The following GCM1 variants were observed in gnomAD, a reference collection of about 807,000 sequenced individuals.
GCM1 encodes the protein chorion-specific transcription factor GCMa.
In GCM1, 2 loss-of-function variants were observed where a neutral mutation model predicts 25.7. The observed-to-expected ratio is 0.08, with a 90% CI of 0.03 to 0.24. The LOEUF (loss-of-function observed/expected upper bound fraction) is 0.24. GCM1 is among the 10% of genes least tolerant of loss of function. The probability of loss-of-function intolerance (pLI) is 1.00; values close to 1 mark genes in which losing one functional copy is unlikely to be tolerated. For missense variants in GCM1, 395 were observed against 538.7 expected (o/e 0.73, Z 2.64); for synonymous variants, 183 against 195.7 (o/e 0.94, Z 0.54).
chr6:53,140,150 G>C (rs1420110086), intron 2 of GCM1, among the ~76,000 whole-genome samples: 1 of 152,212 alleles, frequency 6.6e-6, no homozygotes, highest in Admixed American at 6.5e-5. Flanking sequence ...TCTCAGGGAA[G>C]TTCAAATGAC....
intron 5 of GCM1, among the ~76,000 whole-genome samples, chr6:53,129,899 A>T (rs1215289907): frequency 6.6e-6 from 1 of 152,212 alleles, no homozygotes; most frequent in Non-Finnish European, 1.5e-5. Context: ...AATCGTTAAA[A>T]AAAGGATCTG....
At chr6:53,137,619 C>T (rs1231543835) in intron 2 of GCM1, among the ~76,000 whole-genome samples, 1 of 151,990 alleles carries the variant, frequency 6.6e-6, no homozygotes, top group Non-Finnish European at 1.5e-5. Flanking sequence ...GAGACCACGT[C>T]TCTACTAAAA....
At chr6:53,130,411 T>C (rs1339863895) in intron 5 of GCM1, among the ~76,000 whole-genome samples, 1 of 151,992 alleles carries the variant, frequency 6.6e-6, no homozygotes, top group African/African-American at 2.4e-5. Flanking sequence ...AAGAAAACAA[T>C]CTGTTTGGGG....
Position 53,145,692 on chromosome 6 carries a change from ATTTTG to A in GCM1, c.-65_-61del. ...CGACTCCCCTCAGAAATGCTTGAGA[ATTTTG>A]TTCTCAAAGGTTCTTGATATAGCTG... On this transcript the variant is annotated 5_prime_UTR_variant, in exon 2 of 6. Coordinates refer to ENST00000259803, the MANE Select transcript of GCM1 (RefSeq NM_003643.4). The A allele has an allele frequency of 1.0e-6, 1 of 964,582 alleles. No homozygotes were observed. The highest frequency in any genetic ancestry group is 1.7e-6 in the Non-Finnish European group (1 of 595,826). The allele number at this position is 964,582 out of a possible 1,614,324, so 59.8% of individuals were successfully genotyped here.
rs142603008 is a variant in GCM1, at chr6:53,146,393, T to C, written c.-136-625A>G. 4.9e-4 allele frequency among the ~76,000 whole-genome samples: 75 copies of C among 151,944 alleles called. 2 individuals are homozygous for C. In the East Asian group the frequency reaches 0.014, roughly 28 times the overall value. Reference sequence around the variant, plus strand: ...TGCCACCACGCACAGCTGATTTTTGTATTTTTAGTAGAGATGGGGTTTCAC... The same window carrying C: ...TGCCACCACGCACAGCTGATTTTTGCATTTTTAGTAGAGATGGGGTTTCAC... On this transcript the variant is annotated intron_variant, in intron 1 of 5. Coordinates refer to ENST00000259803, the MANE Select transcript of GCM1 (RefSeq NM_003643.4).
rs1317105387 is a variant in GCM1 at position 53,134,337 on chromosome 6, C to T, written c.76-13G>A. 1.2e-6 allele frequency: 2 copies of T among 1,611,738 alleles called. No homozygotes were observed. The highest frequency in any genetic ancestry group is 2.2e-5 in the South Asian group (2 of 91,052). ...TTTTTTTCACGTTCTGATAGAAACA[C>T]AAAAGATACGACTATACTTTAAGCT... On this transcript the variant is annotated splice_polypyrimidine_tract_variant and intron_variant, in intron 2 of 5. Transcript: ENST00000259803.
intron 5 of GCM1, 35 bp downstream of exon 5, chr6:53,130,768 A>G (rs1763711818): frequency 1.9e-6 from 3 of 1,584,998 alleles, no homozygotes; most frequent in African/African-American, 2.7e-5. Context: ...GTGGCAAGCT[A>G]CTGCATGTAT....
intron 1 of GCM1, among the ~76,000 whole-genome samples, chr6:53,146,787 C>G (rs1352222110): frequency 6.6e-6 from 1 of 152,268 alleles, no homozygotes; most frequent in East Asian, 1.9e-4. Flanking sequence ...AATCCCAATA[C>G]TTTGGGAGGC....
chr6:53,144,634 C>T (rs928624943), intron 2 of GCM1, among the ~76,000 whole-genome samples: 10 of 151,468 alleles, frequency 6.6e-5, no homozygotes, highest in African/African-American at 2.4e-4. Context: ...TCTACACACA[C>T]ACACACACAA....
At chr6:53,139,758 G>A (rs1249202811) in intron 2 of GCM1, among the ~76,000 whole-genome samples, 2 of 152,138 alleles carry the variant, frequency 1.3e-5, no homozygotes, top group Non-Finnish European at 2.9e-5. Flanking sequence ...CTACACGGGA[G>A]GCTGAGACAG....
intron 2 of GCM1, among the ~76,000 whole-genome samples, chr6:53,140,680 C>A (rs536652319): frequency 1.3e-5 from 2 of 152,136 alleles, no homozygotes; most frequent in African/African-American, 4.8e-5. Flanking sequence ...ATTGGCACAA[C>A]CTGAACTGAG....
chr6:53,140,374 T>G (rs569966227), intron 2 of GCM1, among the ~76,000 whole-genome samples: 4 of 152,160 alleles, frequency 2.6e-5, no homozygotes, highest in South Asian at 4.1e-4. Flanking sequence ...CAGAGAGAGC[T>G]CAAATATTCA....
intron 3 of GCM1, among the ~76,000 whole-genome samples, chr6:53,132,530 G>A (rs1177390099): frequency 1.3e-5 from 2 of 152,164 alleles, no homozygotes; most frequent in African/African-American, 4.8e-5. Flanking sequence ...TGGCCAATAT[G>A]GTGAAATCCC....
intron 2 of GCM1, among the ~76,000 whole-genome samples, chr6:53,141,617 G>A (rs1763874067): frequency 6.6e-6 from 1 of 152,056 alleles, no homozygotes; most frequent in Admixed American, 6.6e-5. Context: ...AACCCGGGAG[G>A]TGGAGCTTGC....
chr6:53,136,162 A>G (rs1763797106), intron 2 of GCM1, among the ~76,000 whole-genome samples: 1 of 152,264 alleles, frequency 6.6e-6, no homozygotes, highest in Non-Finnish European at 1.5e-5. Context: ...ACTAGGGCCC[A>G]TGGGCCAAAT....
intron 4 of GCM1, 40 bp from the exon 5 acceptor site, chr6:53,130,971 A>G: frequency 6.4e-7 from 1 of 1,562,070 alleles, no homozygotes; most frequent in Non-Finnish European, 8.8e-7. Flanking sequence ...ATGATATAAC[A>G]CTAACTAGAC....
chr6:53,136,851 C>A (rs1050554959), intron 2 of GCM1, among the ~76,000 whole-genome samples: 1 of 152,098 alleles, frequency 6.6e-6, no homozygotes, highest in Non-Finnish European at 1.5e-5. Context: ...TGGCGGGCAC[C>A]AGTAATCCTT....
intron 2 of GCM1, among the ~76,000 whole-genome samples, chr6:53,143,878 G>C (rs1200124989): frequency 6.6e-6 from 1 of 152,074 alleles, no homozygotes; most frequent in Non-Finnish European, 1.5e-5. Flanking sequence ...AAAGCATAAA[G>C]AGAAACAAAA....
chr6:53,140,604 T>G (rs1581854018), intron 2 of GCM1, among the ~76,000 whole-genome samples: 1 of 149,918 alleles, frequency 6.7e-6, no homozygotes, highest in African/African-American at 2.5e-5. Flanking sequence ...TGGCCATGGG[T>G]TTAATTTGCA....
Sources: gnomAD v4.1 joint callset for allele counts (sites outside exome capture counted in the v4.1 genomes callset) on GRCh38, gnomAD v4.1.1 for gene constraint, MANE v1.5 for transcripts, NCBI Gene and HGNC (gene_info 2026-07-23, HGNC 2026-07-21) for gene names.